NLGN1: variants seen among roughly 807,000 people sequenced by gnomAD.
NLGN1 encodes the protein neuroligin 1, also known as neuroligin-1.
NLGN1 carries 12 observed loss-of-function variants against 65.5 expected under a neutral mutation model. The ratio of observed to expected loss-of-function variants is 0.18; its 90% CI spans 0.12 to 0.30. NLGN1 has a LOEUF of 0.30. Ranked by LOEUF, NLGN1 falls within the 10% of genes least tolerant of loss-of-function variation. The pLI is 1.00. For missense variants in NLGN1, 750 were observed against 1,007.1 expected (o/e 0.74, Z 3.46); for synonymous variants, 350 against 359.5 (o/e 0.97, Z 0.30).
intron 4 of NLGN1, among the ~76,000 whole-genome samples, chr3:174,092,543 C>T (rs554377784): frequency 6.6e-6 from 1 of 151,726 alleles, no homozygotes; most frequent in African/African-American, 2.4e-5. Context: ...GAAAGTAATA[C>T]CAGTGATGGC....
intron 4 of NLGN1, among the ~76,000 whole-genome samples, chr3:174,129,076 T>A (rs971017535): frequency 3.3e-5 from 5 of 152,016 alleles, no homozygotes; most frequent in African/African-American, 4.8e-5. Flanking sequence ...TGTTGTCAAA[T>A]CTGGAGATAA....
At chr3:173,839,989 A>G (rs1724477388) in intron 4 of NLGN1, among the ~76,000 whole-genome samples, 1 of 152,224 alleles carries the variant, frequency 6.6e-6, no homozygotes, top group African/African-American at 2.4e-5. Context: ...TGGACATTTA[A>G]ACCTAGAGAC....
Position 173,971,662 on chromosome 3 carries a change from G to A in NLGN1, c.646+163830G>A, listed in dbSNP as rs147094925. On this transcript the variant is annotated intron_variant, in intron 4 of 6. Coordinates refer to ENST00000457714, the Ensembl canonical transcript of NLGN1. ...ATCAAACCACTAAGATGACTGAATT[G>A]TTGATTTAGGTTTCTTGGGCTTCCT... is the stretch of plus-strand genomic sequence containing the variant. Among the ~76,000 whole-genome samples, 516 of 152,148 alleles carry A rather than the reference G, an allele frequency of 3.4e-3. 5 individuals carry two copies. Among genetic ancestry groups the A allele is most frequent in the African/African-American group, 0.011 (477 of 41,532 alleles).
chr3:173,430,711 AGATTAAATGAGT>A (rs1717018521), intron 1 of NLGN1, among the ~76,000 whole-genome samples: 1 of 152,164 alleles, frequency 6.6e-6, no homozygotes, highest in East Asian at 1.9e-4. Context: ...CATTCTCATG[AGATTAAATGAGT>A]TCTCACTCTT....
intron 2 of NLGN1, among the ~76,000 whole-genome samples, chr3:173,528,213 A>C (rs1193895874): frequency 1.3e-5 from 2 of 152,182 alleles, no homozygotes; most frequent in Non-Finnish European, 2.9e-5. Context: ...TTCATTTATG[A>C]AGCTTAGTCT....
Position 173,973,606 on chromosome 3 carries a change from CA to C in NLGN1, c.646+165775del, listed in dbSNP as rs368323520. 1.7e-3 allele frequency among the ~76,000 whole-genome samples: 262 copies of C among 151,998 alleles called. 2 individuals carry two copies. The highest frequency in any genetic ancestry group is 6.0e-3 in the African/African-American group (251 of 41,516). ...TTTGAGAAATAATGCTAGGAAGCCACATCAAATATAGTAGCCTGGTAAAAGA... is the reference window on the plus strand; with the variant it reads ...TTTGAGAAATAATGCTAGGAAGCCACTCAAATATAGTAGCCTGGTAAAAGA... On this transcript the variant is annotated intron_variant, in intron 4 of 6. Coordinates refer to ENST00000457714, the Ensembl canonical transcript of NLGN1.
At chr3:173,804,476 A>G (rs1392160746) in intron 3 of NLGN1, among the ~76,000 whole-genome samples, 1 of 152,104 alleles carries the variant, frequency 6.6e-6, no homozygotes, top group Non-Finnish European at 1.5e-5. Context: ...AATAAGCTGC[A>G]TTTGATATAT....
rs117975892 is a variant in NLGN1, at chr3:173,946,665, C to T, written c.646+138833C>T. 2.1e-4 allele frequency among the ~76,000 whole-genome samples: 32 copies of T among 152,266 alleles called. 1 individual carries two copies. In the East Asian group the frequency reaches 6.0e-3, roughly 29 times the overall value. ...TCTTTTATATCGATTGCAAACTGCC[C>T]TACCGAAAGATTAACTCATCTTGTA... is the stretch of plus-strand genomic sequence containing the variant. On this transcript the variant is annotated intron_variant, in intron 4 of 6. Coordinates refer to ENST00000457714, the Ensembl canonical transcript of NLGN1.
At chr3:173,786,415 ATAAT>A (rs1781970438) in intron 3 of NLGN1, among the ~76,000 whole-genome samples, 1 of 152,162 alleles carries the variant, frequency 6.6e-6, no homozygotes, top group Non-Finnish European at 1.5e-5. Context: ...AATATCCAGA[ATAAT>A]TAAGCTGCCA....
chr3:173,675,642 T>C (rs894904143), intron 3 of NLGN1, among the ~76,000 whole-genome samples: 3 of 152,012 alleles, frequency 2.0e-5, no homozygotes, highest in African/African-American at 4.8e-5. Flanking sequence ...CAGGAAACCA[T>C]GTAAGATAAT....
chr3:174,189,054 A>C (rs1731914688), intron 4 of NLGN1, among the ~76,000 whole-genome samples: 1 of 152,018 alleles, frequency 6.6e-6, no homozygotes, highest in African/African-American at 2.4e-5. Flanking sequence ...TTAGAAAGGC[A>C]CTTCAGAATC....
intron 3 of NLGN1, chr3:173,644,221 A>C (rs949012308): frequency 6.6e-6 from 1 of 152,632 alleles, no homozygotes; most frequent in Non-Finnish European, 1.5e-5. Context: ...AGCCAGCCCC[A>C]GTCAGCACCT....
chr3:173,662,164 C>G (rs1466112552), intron 3 of NLGN1, among the ~76,000 whole-genome samples: 1 of 151,986 alleles, frequency 6.6e-6, no homozygotes, highest in Non-Finnish European at 1.5e-5. Context: ...AGCTCACAAG[C>G]ATTGATGACA....
chr3:173,792,344 T>G (rs985697221), intron 3 of NLGN1, among the ~76,000 whole-genome samples: 1 of 152,140 alleles, frequency 6.6e-6, no homozygotes, highest in Non-Finnish European at 1.5e-5. Context: ...GCCAAAAAGT[T>G]AAGGTATTTT....
chr3:173,604,722 C>T (rs1433543860), exon 3 of NLGN1: 2 of 1,613,590 alleles, frequency 1.2e-6, no homozygotes, highest in East Asian at 2.2e-5. Context: ...TCAGGCTGGC[C>T]ATGTGCTATC....
intron 4 of NLGN1, among the ~76,000 whole-genome samples, chr3:174,036,572 AG>A (rs111267015): frequency 7.2e-4 from 86 of 120,198 alleles, no homozygotes; most frequent in African/African-American, 2.7e-3. Flanking sequence ...TTATGGAAAT[AG>A]GTTTTTTGTT....
At chr3:173,991,765 G>T (rs762794538) in intron 4 of NLGN1, among the ~76,000 whole-genome samples, 19 of 152,052 alleles carry the variant, frequency 1.2e-4, no homozygotes, top group Non-Finnish European at 2.4e-4. Context: ...CAAACATCAG[G>T]ACACAGAAGA....
At chr3:174,053,348 C>T (rs1000750996) in intron 4 of NLGN1, among the ~76,000 whole-genome samples, 1 of 151,584 alleles carries the variant, frequency 6.6e-6, no homozygotes. Context: ...AGAAAAATGG[C>T]CATAATTATA....
chr3:174,090,737 A>AT (rs59855485), intron 4 of NLGN1, among the ~76,000 whole-genome samples: 17,598 of 146,804 alleles, frequency 0.12, 1,804 homozygotes, highest in African/African-American at 0.28. Flanking sequence ...GAAAACAATG[A>AT]TTTTTTTTTT....
Sources: gnomAD v4.1 joint callset for allele counts (sites outside exome capture counted in the v4.1 genomes callset) on GRCh38, gnomAD v4.1.1 for gene constraint, MANE v1.5 for transcripts, NCBI Gene and HGNC (gene_info 2026-07-23, HGNC 2026-07-21) for gene names.